The following TMEM39A variants were observed in gnomAD, a reference collection of about 807,000 sequenced individuals.
The protein encoded by TMEM39A is suppressor of SQST-1 aggregates in rpl-43 mutants.
Under a neutral mutation model 51.9 loss-of-function variants are expected in TMEM39A, and 19 were observed. The ratio of observed to expected loss-of-function variants is 0.37; its 90% CI spans 0.26 to 0.54. The LOEUF is 0.54. Among genes scored for constraint, TMEM39A ranks in the 20% least tolerant of loss-of-function variants. The pLI is 0.88. For synonymous variants in TMEM39A, 197 were observed against 220.2 expected (o/e 0.89, Z 0.93); for missense variants, 433 against 590.5 (o/e 0.73, Z 2.76).
chr3:119,447,360 A>T (rs901408602), intron 4 of TMEM39A, among the ~76,000 whole-genome samples, 188 bp from the exon 5 acceptor site: 3 of 152,222 alleles, frequency 2.0e-5, no homozygotes, highest in Non-Finnish European at 4.4e-5. Flanking sequence ...CTCCAGGCAC[A>T]GTTGTTTCCT....
chr3:119,439,552 C>T (rs1006261972), intron 5 of TMEM39A, among the ~76,000 whole-genome samples: 1 of 133,910 alleles, frequency 7.5e-6, no homozygotes, highest in African/African-American at 2.6e-5. Context: ...GCACTCCACC[C>T]TGGGCAACAA....
intron 2 of TMEM39A, among the ~76,000 whole-genome samples, chr3:119,460,828 T>C (rs1368127425): frequency 6.6e-6 from 1 of 152,192 alleles, no homozygotes; most frequent in Non-Finnish European, 1.5e-5. Context: ...ATCAATAAGT[T>C]GATAGCATAT....
chr3:119,460,832 A>G (rs1386017839), intron 2 of TMEM39A, among the ~76,000 whole-genome samples: 1 of 152,246 alleles, frequency 6.6e-6, no homozygotes, highest in Non-Finnish European at 1.5e-5. Flanking sequence ...ATAAGTTGAT[A>G]GCATATATTA....
Position 119,429,690 on chromosome 3 carries a change from A to C in TMEM39A, c.*2291T>G, listed in dbSNP as rs929007638. On this transcript the variant is annotated 3_prime_UTR_variant, in exon 9 of 9. Transcript: ENST00000319172. ...AACAAAAAACAGCTGGAATGTGTAG[A>C]ACACGTTGAACTAAACGGTCTTATG... is the stretch of plus-strand genomic sequence containing the variant. 2.6e-5 allele frequency: 4 copies of C among 152,162 alleles called. No homozygotes were observed. The highest frequency in any genetic ancestry group is 9.7e-5 in the African/African-American group (4 of 41,444). The allele number at this position is 152,162 out of a possible 1,614,324, so 9.4% of individuals were successfully genotyped here.
Position 119,462,104 on chromosome 3 carries a change from C to A in TMEM39A, c.-30G>T, listed in dbSNP as rs573761420. On this transcript the variant is annotated 5_prime_UTR_variant, in exon 2 of 9. Coordinates refer to ENST00000319172, the MANE Select transcript of TMEM39A (RefSeq NM_018266.3). ...AGGAACCAGTCTGCTTCCAGTGCCA[C>A]CTGTAGTTGCAACCCAGGTTAATGG... The A allele has an allele frequency of 6.3e-7, 1 of 1,576,616 alleles. No homozygotes were observed. The highest frequency in any genetic ancestry group is 1.1e-5 in the South Asian group (1 of 89,632).
In TMEM39A at chr3:119,462,089, C is replaced by G; in HGVS notation, c.-15G>C. The G allele has an allele frequency of 1.2e-6, 2 of 1,610,914 alleles. No individual in the cohort carries two copies. The highest frequency in any genetic ancestry group is 1.7e-5 in the Admixed American group (1 of 59,768). ...CCACCGGGCATGTCCAGGAACCAGT[C>G]TGCTTCCAGTGCCACCTGTAGTTGC... On this transcript the variant is annotated 5_prime_UTR_variant, in exon 2 of 9. Transcript: ENST00000319172.
chr3:119,437,608 G>T, intron 6 of TMEM39A, 147 bp downstream of exon 6: 1 of 567,396 alleles, frequency 1.8e-6, no homozygotes, highest in South Asian at 3.2e-5. Context: ...ACCAGGAGCG[G>T]TATTAGTGCA....
At chr3:119,462,633 A>AGC (rs1553773879) in intron 1 of TMEM39A, among the ~76,000 whole-genome samples, 1 of 2,258 alleles carries the variant, frequency 4.4e-4, no homozygotes, top group Admixed American at 4.7e-3. Context: ...TGTTTCTTCA[A>AGC]GGGGGGGGGG....
intron 5 of TMEM39A, among the ~76,000 whole-genome samples, chr3:119,444,548 C>T (rs185816028): frequency 2.2e-4 from 33 of 152,258 alleles, no homozygotes; most frequent in African/African-American, 7.7e-4. Context: ...TCCTGTCATC[C>T]TTATTAGCAC....
chr3:119,447,015 C>T lies in TMEM39A; in HGVS notation c.575+3G>A, dbSNP rs764815125. The stretch of plus-strand genomic sequence containing the variant: ...AATAACATGGTAAAACTGGAGTACT[C>T]ACGGGTAGCCAAGGAAAAGGAGATT... On this transcript the variant is annotated splice_donor_region_variant and intron_variant, in intron 5 of 8. Coordinates refer to ENST00000319172, the MANE Select transcript of TMEM39A (RefSeq NM_018266.3). 6.2e-7 allele frequency: 1 copy of T among 1,613,392 alleles called. No homozygotes were observed. Among genetic ancestry groups the T allele is most frequent in the Non-Finnish European group, 8.5e-7 (1 of 1,179,746 alleles).
chr3:119,431,835 T>C lies in TMEM39A; in HGVS notation c.*146A>G. Reference sequence around the variant, plus strand: ...TCACATCACCTTGTTTACGGATACATTTAATATCCCTTACTCTTCCCGACT... The same window carrying C: ...TCACATCACCTTGTTTACGGATACACTTAATATCCCTTACTCTTCCCGACT... On this transcript the variant is annotated 3_prime_UTR_variant, in exon 9 of 9. Coordinates refer to ENST00000319172, the MANE Select transcript of TMEM39A (RefSeq NM_018266.3). 1 of 547,836 alleles carries C rather than the reference T, an allele frequency of 1.8e-6. No homozygotes were observed. The highest frequency in any genetic ancestry group is 3.3e-5 in the South Asian group (1 of 29,858). 33.9% of individuals were successfully genotyped at this position (547,836 alleles called of 1,614,324 possible).
intron 5 of TMEM39A, among the ~76,000 whole-genome samples, chr3:119,440,577 G>T (rs367628715): frequency 6.6e-6 from 1 of 152,138 alleles, no homozygotes; most frequent in Admixed American, 6.5e-5. Flanking sequence ...TCACCCTAAT[G>T]AGAAGCTATT....
chr3:119,444,182 T>C (rs1402218026), intron 5 of TMEM39A, among the ~76,000 whole-genome samples: 3 of 152,064 alleles, frequency 2.0e-5, no homozygotes, highest in African/African-American at 7.2e-5. Context: ...AACAGAAAAG[T>C]TTGCTAGCCA....
Position 119,432,060 on chromosome 3 carries a change from A to T in TMEM39A, c.1388T>A (p.Phe463Tyr). ...TACTATTCTGTCCCGGAGAAGTTTA[A>T]ATAAAACATAGTAGTTGCAGAAGAG... The part of the protein sequence containing the change: ...LILFCNYYVL[F>Y]KLLRDRIVLG... The change falls in exon 9 of 9, where the codon TTT becomes TAT. Residue 463 changes from phenylalanine (F) to tyrosine (Y), a missense_variant. Around this residue, in one of 3 missense-constraint regions of TMEM39A, gnomAD observed 223 missense variants for 328.1 expected, o/e 0.68. Coordinates refer to ENST00000319172, the MANE Select transcript of TMEM39A (RefSeq NM_018266.3). 1 of 1,613,216 alleles carries T rather than the reference A, an allele frequency of 6.2e-7. No individual in the cohort carries two copies. Among genetic ancestry groups the T allele is most frequent in the Non-Finnish European group, 8.5e-7 (1 of 1,179,464 alleles).
chr3:119,435,442 C>G (rs1259459576), intron 7 of TMEM39A: 1 of 983,694 alleles, frequency 1.0e-6, no homozygotes, highest in Non-Finnish European at 1.2e-6. Context: ...CACACACACA[C>G]AGACTTTTCA....
intron 3 of TMEM39A, among the ~76,000 whole-genome samples, chr3:119,456,674 T>G (rs1267192891): frequency 6.6e-6 from 1 of 152,232 alleles, no homozygotes; most frequent in Non-Finnish European, 1.5e-5. Flanking sequence ...TTCCACAATC[T>G]TAGCTCACTG....
At chr3:119,452,634 C>G (rs2081215504) in intron 3 of TMEM39A, 104 bp from the exon 4 acceptor site, 1 of 799,132 alleles carries the variant, frequency 1.3e-6, no homozygotes, top group South Asian at 1.6e-5. Flanking sequence ...TTCCTTAGAT[C>G]ACCACACCCT....
At position 119,438,284 on chromosome 3, in the gene TMEM39A, T is replaced by G. The variant is rs2081002279; in HGVS notation, c.576-181A>C. ...TATCTGGGGAGCTCTTCAATTTCTT[T>G]CCATAAGAGCAGTGCACATTCATTG... is the stretch of plus-strand genomic sequence containing the variant. On this transcript the variant is annotated intron_variant, in intron 5 of 8. Coordinates refer to ENST00000319172, the MANE Select transcript of TMEM39A (RefSeq NM_018266.3). 1.3e-5 allele frequency among the ~76,000 whole-genome samples: 2 copies of G among 152,212 alleles called. 1 individual carries two copies. Among genetic ancestry groups the G allele is most frequent in the Admixed American group, 1.3e-4 (2 of 15,284 alleles).
intron 4 of TMEM39A, among the ~76,000 whole-genome samples, chr3:119,449,645 G>A (rs998623390): frequency 1.3e-5 from 2 of 151,836 alleles, no homozygotes; most frequent in Admixed American, 6.6e-5. Context: ...CAAAAAAAGT[G>A]GTCTTCAATA....
Sources: allele counts gnomAD v4.1 joint callset (sites outside exome capture counted in the v4.1 genomes callset), GRCh38; gene constraint gnomAD v4.1.1; regional missense constraint gnomAD v4.1.1; transcripts MANE v1.5; gene names NCBI Gene and HGNC (gene_info 2026-07-23, HGNC 2026-07-21).